GDF11: variants seen among roughly 807,000 people sequenced by gnomAD.
The protein encoded by GDF11 is growth differentiation factor 11, also known as growth/differentiation factor 11.
In GDF11, 12 loss-of-function variants were observed where a neutral mutation model predicts 34.4. That is an observed-to-expected ratio of 0.35 (90% CI 0.22 to 0.57). The LOEUF is 0.57. GDF11 is among the 20% of genes least tolerant of loss of function. The pLI is 0.86. For synonymous variants in GDF11, 212 were observed against 231.1 expected (o/e 0.92, Z 0.75); for missense variants, 346 against 548.2 (o/e 0.63, Z 3.68).
chr12:55,748,896 G>A lies in GDF11; in HGVS notation c.756G>A (p.Gln252=). Residue 252 remains glutamine, a synonymous_variant, in exon 2 of 3, where the codon CAG becomes CAA. Transcript: ENST00000257868. The surrounding 1 kb of genome is among the most constrained non-coding windows in gnomAD (Gnocchi z 5.6). ...QVLHSWFRQP[Q]SNWGIEINAF... ...TACACAGCTGGTTCCGCCAGCCACA[G>A]AGCAACTGGGGCATCGAGATCAACG... is the stretch of plus-strand genomic sequence containing the variant. 2.5e-6 allele frequency: 4 copies of A among 1,610,242 alleles called. No individual in the cohort carries two copies. The highest frequency in any genetic ancestry group is 3.4e-6 in the Non-Finnish European group (4 of 1,179,940).
rs201069456 is a variant in GDF11 at position 55,748,765 on chromosome 12, G to A, written c.625G>A (p.Ala209Thr). The A allele has an allele frequency of 3.2e-5, 51 of 1,614,242 alleles. No homozygotes were observed. Among genetic ancestry groups the A allele is most frequent in the Non-Finnish European group, 3.9e-5 (46 of 1,180,044 alleles). Residue 209 changes from alanine to threonine, a missense_variant, in exon 2 of 3, where the codon GCA becomes ACA. By Grantham distance (58) the Ala-to-Thr change is moderately conservative. Coordinates refer to ENST00000257868, the MANE Select transcript of GDF11 (RefSeq NM_005811.5). The surrounding 1 kb of genome is among the most constrained non-coding windows in gnomAD (Gnocchi z 5.6). ...AAAACCCCTAACTGGGGAAGGGACCGCAGGGGGAGGGGGCGGAGGCCGGCG... is the reference window on the plus strand; with the variant it reads ...AAAACCCCTAACTGGGGAAGGGACCACAGGGGGAGGGGGCGGAGGCCGGCG... The part of the protein sequence containing the change: ...RLKPLTGEGT[A>T]GGGGGGRRHI...
chr12:55,745,081 C>T (rs1452322912), intron 1 of GDF11, among the ~76,000 whole-genome samples: 1 of 152,120 alleles, frequency 6.6e-6, no homozygotes, highest in African/African-American at 2.4e-5. Context: ...CTCAGTTTCC[C>T]TTCTATTCTT....
intron 1 of GDF11, among the ~76,000 whole-genome samples, chr12:55,745,225 GAA>G (rs1343472653): frequency 6.6e-6 from 1 of 152,102 alleles, no homozygotes; most frequent in African/African-American, 2.4e-5. Flanking sequence ...GTTACAGAGG[GAA>G]AAGATACTCT....
chr12:55,750,864 G>A lies in GDF11; in HGVS notation c.*982G>A, dbSNP rs1878297426. 2.0e-5 allele frequency: 3 copies of A among 152,182 alleles called. No individual in the cohort carries two copies. The highest frequency in any genetic ancestry group is 4.4e-5 in the Non-Finnish European group (3 of 68,036). 9.4% of individuals were successfully genotyped at this position (152,182 alleles called of 1,614,324 possible). A position where few individuals can be genotyped will look rare whatever the true frequency, so the allele number is the denominator to read the frequency against. On this transcript the variant is annotated 3_prime_UTR_variant, in exon 3 of 3. Transcript: ENST00000257868. ...CATGATGCTGAGTTATTTAGCCAGA[G>A]GGTGCAGCCTGCTTATGCCCAAATT...
chr12:55,747,027 A>G (rs1175700339), intron 1 of GDF11, among the ~76,000 whole-genome samples: 3 of 152,248 alleles, frequency 2.0e-5, no homozygotes, highest in African/African-American at 7.2e-5. Flanking sequence ...CAGACACAGT[A>G]TGAATAACAA....
chr12:55,744,582 T>C (rs1236058560), intron 1 of GDF11, among the ~76,000 whole-genome samples: 1 of 151,860 alleles, frequency 6.6e-6, no homozygotes, highest in Non-Finnish European at 1.5e-5. Flanking sequence ...AAGATGAACA[T>C]ATAATAGACA....
Position 55,743,262 on chromosome 12 carries a change from C to T in GDF11, c.-55C>T. ...TCCCTCCCTCCTCCCTCCGCCCCCT[C>T]CCCGCGGGACTCCGGCGTCCCCGCC... is the stretch of plus-strand genomic sequence containing the variant. On this transcript the variant is annotated 5_prime_UTR_variant, in exon 1 of 3. Transcript: ENST00000257868. 2 of 664,688 alleles carry T rather than the reference C, an allele frequency of 3.0e-6. No homozygotes were observed. The highest frequency in any genetic ancestry group is 3.7e-6 in the Non-Finnish European group (2 of 539,764). 41.2% of individuals were successfully genotyped at this position (664,688 alleles called of 1,614,324 possible).
Position 55,749,865 on chromosome 12 carries a change from C to G in GDF11, c.1207C>G (p.Arg403Gly). 1 of 1,613,312 alleles carries G rather than the reference C, an allele frequency of 6.2e-7. No homozygotes were observed. Among genetic ancestry groups the G allele is most frequent in the South Asian group, 1.1e-5 (1 of 91,022 alleles). ...CAAGATCCCTGGCATGGTGGTGGAT[C>G]GCTGTGGCTGCTCTTAAGGTGGGGG... ...YGKIPGMVVDRCGCS is the reference protein window; with the variant it reads ...YGKIPGMVVDGCGCS The change falls in exon 3 of 3, where the codon CGC becomes GGC. Residue 403 changes from arginine to glycine, a missense_variant. Physicochemically the swap from Arg to Gly is moderately radical, Grantham distance 125 (BLOSUM62 -2). Coordinates refer to ENST00000257868, the MANE Select transcript of GDF11 (RefSeq NM_005811.5). The surrounding 1 kb of genome is among the most constrained non-coding windows in gnomAD (Gnocchi z 5.6).
At position 55,756,535 on chromosome 12, in the gene GDF11, C is replaced by T. The variant is rs1242172710; in HGVS notation, c.*6653C>T. On this transcript the variant is annotated 3_prime_UTR_variant, in exon 3 of 3. Transcript: ENST00000257868. ...TGGGACCTGATCATAGTACCAAAGT[C>T]TTCAGGTAAGGTGTCAGGCTCCTAA... 1 of 152,152 alleles carries T rather than the reference C, an allele frequency of 6.6e-6. No homozygotes were observed. Among genetic ancestry groups the T allele is most frequent in the East Asian group, 1.9e-4 (1 of 5,194 alleles). The allele number at this position is 152,152 out of a possible 1,614,324, so 9.4% of individuals were successfully genotyped here.
chr12:55,751,817 A>AGTACT lies in GDF11; in HGVS notation c.*1937_*1941dup, dbSNP rs1878331003. 6.6e-6 allele frequency: 1 copy of AGTACT among 152,218 alleles called. No homozygotes were observed. Among genetic ancestry groups the AGTACT allele is most frequent in the African/African-American group, 2.4e-5 (1 of 41,448 alleles). The allele number at this position is 152,218 out of a possible 1,614,324, so 9.4% of individuals were successfully genotyped here. The stretch of plus-strand genomic sequence containing the variant: ...CAGCAGTTACGGGTCTGATAAAAAC[A>AGTACT]GTACTGAACTAAAGTAAAGCCCAAG... On this transcript the variant is annotated 3_prime_UTR_variant, in exon 3 of 3. Coordinates refer to ENST00000257868, the MANE Select transcript of GDF11 (RefSeq NM_005811.5).
chr12:55,744,013 C>T (rs1402262741), intron 1 of GDF11, among the ~76,000 whole-genome samples: 1 of 152,158 alleles, frequency 6.6e-6, no homozygotes, highest in African/African-American at 2.4e-5. Flanking sequence ...ATAGTGCCTT[C>T]CACCCCCAGT....
chr12:55,746,531 C>G (rs1164155055), intron 1 of GDF11, among the ~76,000 whole-genome samples: 1 of 152,172 alleles, frequency 6.6e-6, no homozygotes, highest in East Asian at 1.9e-4. Flanking sequence ...TTTCTTTCTC[C>G]CTATGTTCTA....
chr12:55,747,188 T>G (rs1486174204), intron 1 of GDF11, among the ~76,000 whole-genome samples: 5 of 152,034 alleles, frequency 3.3e-5, no homozygotes, highest in African/African-American at 1.2e-4. Context: ...GATCTCTGAA[T>G]TCTCACCCCC....
At position 55,748,911 on chromosome 12, in the gene GDF11, C is replaced by T. The variant is rs750862879; in HGVS notation, c.771C>T (p.Ile257=). Residue 257 remains isoleucine (I), a synonymous_variant, in exon 2 of 3, where the codon ATC becomes ATT. Transcript: ENST00000257868. This position sits in a 1 kb window ranked among gnomAD's most constrained non-coding sequence, Gnocchi z 5.6. ...WFRQPQSNWG[I]EINAFDPSGT... ...GCCAGCCACAGAGCAACTGGGGCAT[C>T]GAGATCAACGCCTTTGATCCCAGTG... is the stretch of plus-strand genomic sequence containing the variant. The T allele has an allele frequency of 5.6e-6, 9 of 1,606,824 alleles. No individual in the cohort carries two copies. The highest frequency in any genetic ancestry group is 4.2e-6 in the Non-Finnish European group (5 of 1,179,848).
Position 55,743,284 on chromosome 12 carries a change from CG to C in GDF11, c.-32del. 1 of 857,466 alleles carries C rather than the reference CG, an allele frequency of 1.2e-6. No individual in the cohort carries two copies. Among genetic ancestry groups the C allele is most frequent in the Non-Finnish European group, 1.4e-6 (1 of 714,696 alleles). 53.1% of individuals were successfully genotyped at this position (857,466 alleles called of 1,614,324 possible). ...CCTCCCCGCGGGACTCCGGCGTCCC[CG>C]CCCCCCAGTCCTCCCTCCCCTCCCC... On this transcript the variant is annotated 5_prime_UTR_variant, in exon 1 of 3. Transcript: ENST00000257868.
At position 55,748,482 on chromosome 12, in the gene GDF11, C is replaced by G. The variant is rs757036730; in HGVS notation, c.446-104C>G. The G allele has an allele frequency of 3.0e-6, 3 of 990,814 alleles. No individual in the cohort carries two copies. Among genetic ancestry groups the G allele is most frequent in the Non-Finnish European group, 4.5e-6 (3 of 665,804 alleles). The allele number at this position is 990,814 out of a possible 1,614,324, so 61.4% of individuals were successfully genotyped here. A position where few individuals can be genotyped will look rare whatever the true frequency, so the allele number is the denominator to read the frequency against. ...GGCATGGGAGAAGGGTAAAGAAGAACTGGAAAATCAGGCTGAGAAGTCCAA... is the reference window on the plus strand; with the variant it reads ...GGCATGGGAGAAGGGTAAAGAAGAAGTGGAAAATCAGGCTGAGAAGTCCAA... On this transcript the variant is annotated intron_variant, in intron 1 of 2. Coordinates refer to ENST00000257868, the MANE Select transcript of GDF11 (RefSeq NM_005811.5). The surrounding 1 kb of genome is among the most constrained non-coding windows in gnomAD (Gnocchi z 5.6).
intron 1 of GDF11, among the ~76,000 whole-genome samples, chr12:55,743,965 C>T (rs1317889153): frequency 6.6e-6 from 1 of 152,162 alleles, no homozygotes; most frequent in African/African-American, 2.4e-5. Flanking sequence ...CGCCTAGTTC[C>T]CGGAGGTTGG....
In GDF11 at chr12:55,748,810, C is replaced by G. The variant is rs748177224; in HGVS notation, c.670C>G (p.Leu224Val). The change falls in exon 2 of 3, where the codon CTG (leucine) becomes GTG (valine). Residue 224 changes from leucine to valine, a missense_variant. Around this residue, in one of 3 missense-constraint regions of GDF11, gnomAD observed 205 missense variants for 311.3 expected, o/e 0.66. Coordinates refer to ENST00000257868, the MANE Select transcript of GDF11 (RefSeq NM_005811.5). The surrounding 1 kb of genome is among the most constrained non-coding windows in gnomAD (Gnocchi z 5.6). ...CCGGCGTCACATCCGTATCCGCTCACTGAAGATTGAGCTGCACTCACGCTC... is the reference window on the plus strand; with the variant it reads ...CCGGCGTCACATCCGTATCCGCTCAGTGAAGATTGAGCTGCACTCACGCTC... ...GGRRHIRIRS[L>V]KIELHSRSGH... 1.9e-6 allele frequency: 3 copies of G among 1,614,150 alleles called. No homozygotes were observed. The highest frequency in any genetic ancestry group is 8.5e-7 in the Non-Finnish European group (1 of 1,180,034).
Position 55,756,637 on chromosome 12 carries a change from T to C in GDF11, c.*6755T>C, listed in dbSNP as rs927283791. 2 of 152,076 alleles carry C rather than the reference T, an allele frequency of 1.3e-5. No homozygotes were observed. The highest frequency in any genetic ancestry group is 1.3e-4 in the Admixed American group (2 of 15,278). 9.4% of individuals were successfully genotyped at this position (152,076 alleles called of 1,614,324 possible). A position where few individuals can be genotyped will look rare whatever the true frequency, so the allele number is the denominator to read the frequency against. Reference sequence around the variant, plus strand: ...AGAGGAGAAATTCTGCAATAACATATCCAAAAAGATTAAGCAGGTTTCAGA... The same window carrying C: ...AGAGGAGAAATTCTGCAATAACATACCCAAAAAGATTAAGCAGGTTTCAGA... On this transcript the variant is annotated 3_prime_UTR_variant, in exon 3 of 3. Coordinates refer to ENST00000257868, the MANE Select transcript of GDF11 (RefSeq NM_005811.5).
Sources: allele counts gnomAD v4.1 joint callset (sites outside exome capture counted in the v4.1 genomes callset), GRCh38; gene constraint gnomAD v4.1.1; regional missense constraint gnomAD v4.1.1; non-coding constraint Gnocchi (gnomAD v3.1); transcripts MANE v1.5; gene names NCBI Gene and HGNC (gene_info 2026-07-23, HGNC 2026-07-21).